UBL3: variants seen among roughly 807,000 people sequenced by gnomAD.
The protein encoded by UBL3 is ubiquitin like 3, also known as ubiquitin-like protein 3.
A neutral mutation model predicts 18.4 loss-of-function variants in UBL3; 6 were observed. That is an observed-to-expected ratio of 0.33 (90% CI 0.18 to 0.64). The LOEUF (loss-of-function observed/expected upper bound fraction) is 0.64, where lower values mean the gene tolerates loss of function less well. Ranked by LOEUF, UBL3 falls within the 30% of genes least tolerant of loss-of-function variation. The probability of loss-of-function intolerance (pLI) is 0.76; values close to 1 mark genes in which losing one functional copy is unlikely to be tolerated. For synonymous variants in UBL3, 49 were observed against 46.6 expected (o/e 1.05, Z -0.21); for missense variants, 109 against 142.9 (o/e 0.76, Z 1.21).
At chr13:29,768,269 T>C (rs1405578402) in intron 3 of UBL3, among the ~76,000 whole-genome samples, 1 of 152,152 alleles carries the variant, frequency 6.6e-6, no homozygotes, top group Non-Finnish European at 1.5e-5. Flanking sequence ...ATCAAGTCTT[T>C]ATAACATTTT....
intron 3 of UBL3, among the ~76,000 whole-genome samples, chr13:29,768,864 C>G (rs1430026592): frequency 6.6e-6 from 1 of 152,050 alleles, no homozygotes; most frequent in Non-Finnish European, 1.5e-5. Context: ...AAAGCCTGAT[C>G]AACATTTCAA....
At chr13:29,837,827 G>A (rs1259253631) in intron 1 of UBL3, among the ~76,000 whole-genome samples, 1 of 151,744 alleles carries the variant, frequency 6.6e-6, no homozygotes, top group East Asian at 1.9e-4. Context: ...CTACTAGGGA[G>A]GCTGAGGCAC....
At chr13:29,796,768 A>G (rs1877625052) in intron 1 of UBL3, among the ~76,000 whole-genome samples, 1 of 152,232 alleles carries the variant, frequency 6.6e-6, no homozygotes. Context: ...TGATAAAATG[A>G]TTTCATCTTG....
At chr13:29,831,437 A>G (rs909411003) in intron 1 of UBL3, among the ~76,000 whole-genome samples, 1 of 152,044 alleles carries the variant, frequency 6.6e-6, no homozygotes, top group African/African-American at 2.4e-5. Flanking sequence ...TAAAAATACA[A>G]AATTAGCCGG....
chr13:29,793,549 C>A (rs1593658213), intron 1 of UBL3, among the ~76,000 whole-genome samples: 1 of 152,000 alleles, frequency 6.6e-6, no homozygotes, highest in African/African-American at 2.4e-5. Context: ...TAGTTTTCTT[C>A]TTATTACTTT....
intron 1 of UBL3, among the ~76,000 whole-genome samples, chr13:29,806,904 C>A (rs1001537093): frequency 2.0e-5 from 3 of 152,052 alleles, no homozygotes; most frequent in Non-Finnish European, 2.9e-5. Context: ...TTTATAATAA[C>A]CTCTATCTTG....
intron 1 of UBL3, among the ~76,000 whole-genome samples, chr13:29,802,501 G>A (rs966345141): frequency 3.3e-5 from 5 of 152,164 alleles, no homozygotes; most frequent in Admixed American, 6.5e-5. Context: ...TCAGAATAGA[G>A]ATACAAATGA....
At chr13:29,767,588 A>G (rs1876723725) in intron 4 of UBL3, 30 bp downstream of exon 4, 1 of 1,607,322 alleles carries the variant, frequency 6.2e-7, no homozygotes, top group Middle Eastern at 1.7e-4. Context: ...TTGTGCCTCA[A>G]CTGAGATACT....
At chr13:29,848,280 C>CAAAAAAA (rs11372209) in intron 1 of UBL3, among the ~76,000 whole-genome samples, 1 of 68,318 alleles carries the variant, frequency 1.5e-5, no homozygotes, top group African/African-American at 6.3e-5. Flanking sequence ...CCTGTCTCCA[C>CAAAAAAA]AAAAAAAAAA....
Position 29,850,322 on chromosome 13 carries a change from G to T in UBL3, c.-784C>A. ...GCTGGGGTCGGGGCGCATCGTCTCCGGCTCCTCGCCACTCCTCTTCTGCCT... is the reference window on the plus strand; with the variant it reads ...GCTGGGGTCGGGGCGCATCGTCTCCTGCTCCTCGCCACTCCTCTTCTGCCT... On this transcript the variant is annotated 5_prime_UTR_variant, in exon 1 of 5. Coordinates refer to ENST00000380680, the MANE Select transcript of UBL3 (RefSeq NM_007106.4). 6.5e-6 allele frequency: 1 copy of T among 153,666 alleles called. No homozygotes were observed. The highest frequency in any genetic ancestry group is 1.8e-4 in the South Asian group (1 of 5,660). The allele number at this position is 153,666 out of a possible 1,614,324, so 9.5% of individuals were successfully genotyped here. A position where few individuals can be genotyped will look rare whatever the true frequency, so the allele number is the denominator to read the frequency against.
chr13:29,786,047 A>G (rs1042454836), intron 1 of UBL3, among the ~76,000 whole-genome samples: 6 of 152,314 alleles, frequency 3.9e-5, no homozygotes, highest in South Asian at 4.1e-4. Context: ...TATTCTACCT[A>G]GCCCATCTCT....
chr13:29,789,719 T>C (rs1877433334), intron 1 of UBL3, among the ~76,000 whole-genome samples: 1 of 152,240 alleles, frequency 6.6e-6, no homozygotes. Flanking sequence ...ATGTTGGGCA[T>C]AATGTATTGA....
chr13:29,781,526 T>G (rs1481931771), intron 1 of UBL3, among the ~76,000 whole-genome samples: 1 of 152,132 alleles, frequency 6.6e-6, no homozygotes, highest in Non-Finnish European at 1.5e-5. Context: ...CAAAGAAATA[T>G]AAATGATTTT....
intron 1 of UBL3, among the ~76,000 whole-genome samples, chr13:29,785,321 T>C (rs1877284039): frequency 6.6e-6 from 1 of 151,806 alleles, no homozygotes; most frequent in South Asian, 2.1e-4. Context: ...GAAAACTGCA[T>C]GGTTAATTTA....
intron 1 of UBL3, among the ~76,000 whole-genome samples, chr13:29,777,776 G>GT (rs931167756): frequency 4.6e-5 from 7 of 151,398 alleles, no homozygotes; most frequent in African/African-American, 1.5e-4. Context: ...AACTATGTAT[G>GT]TTTTTTTGAG....
In UBL3 at chr13:29,767,712, A is replaced by C; in HGVS notation, c.224-17T>G. ...GTTTTAATGCTATGTGAAAAGCAAA[A>C]GATGATTAGTTACACATATATCGAC... On this transcript the variant is annotated splice_polypyrimidine_tract_variant and intron_variant, in intron 3 of 4. Transcript: ENST00000380680. The C allele has an allele frequency of 6.2e-7, 1 of 1,608,316 alleles. No individual in the cohort carries two copies. The highest frequency in any genetic ancestry group is 8.5e-7 in the Non-Finnish European group (1 of 1,175,544).
At chr13:29,777,478 A>T in intron 1 of UBL3, 1 of 654,880 alleles carries the variant, frequency 1.5e-6, no homozygotes, top group African/African-American at 1.8e-5. Context: ...TGTGTCAGAC[A>T]TATTTGCCAT....
chr13:29,782,614 T>C (rs542617507), intron 1 of UBL3, among the ~76,000 whole-genome samples: 47 of 152,328 alleles, frequency 3.1e-4, no homozygotes, highest in Non-Finnish European at 5.9e-4. Context: ...AACTGCCTAG[T>C]TCCAGAAAAC....
intron 1 of UBL3, among the ~76,000 whole-genome samples, chr13:29,782,094 A>G (rs1877191059): frequency 6.6e-6 from 1 of 152,188 alleles, no homozygotes; most frequent in African/African-American, 2.4e-5. Context: ...ACATTTAAAA[A>G]TAAAGTTATA....
Sources: allele counts gnomAD v4.1 joint callset (sites outside exome capture counted in the v4.1 genomes callset), GRCh38; gene constraint gnomAD v4.1.1; transcripts MANE v1.5; gene names NCBI Gene and HGNC (gene_info 2026-07-23, HGNC 2026-07-21).